Variants in SPTLC3 observed in about 807,000 individuals in gnomAD.
SPTLC3 encodes the protein serine palmitoyltransferase long chain base subunit 3, also known as serine palmitoyltransferase 3.
SPTLC3 carries 36 observed loss-of-function variants against 59.3 expected under a neutral mutation model. The observed-to-expected ratio is 0.61, with a 90% CI of 0.47 to 0.80. The LOEUF (loss-of-function observed/expected upper bound fraction) is 0.80, where lower values mean the gene tolerates loss of function less well. Ranked by LOEUF, SPTLC3 falls within the 30% of genes least tolerant of loss-of-function variation. SPTLC3 has a pLI of 0.00. For missense variants in SPTLC3, 625 were observed against 685.1 expected, an observed-to-expected ratio of 0.91 and a Z score of 0.98; for synonymous variants, 257 against 240.8, an observed-to-expected ratio of 1.07 and a Z score of -0.62.
rs1219499441 is a variant in SPTLC3 at position 13,160,044 on chromosome 20, T to C, written c.1457T>C (p.Val486Ala). The C allele has an allele frequency of 4.3e-6, 7 of 1,613,696 alleles. No individual in the cohort carries two copies. The South Asian group carries it at 6.6e-5, about 15-fold the overall frequency. Residue 486 changes from valine to alanine, a missense_variant, in exon 11 of 12, where the codon GTG (valine) becomes GCG (alanine). Transcript: ENST00000399002. ...ATGCTAGAGAAAAAAATTGGAGTGG[T>C]GGTCGTGGGATTTCCAGCCACTCCC... Reference protein sequence around the residue: ...RHMLEKKIGVVVVGFPATPLA... With the variant: ...RHMLEKKIGVAVVGFPATPLA...
intron 2 of SPTLC3, among the ~76,000 whole-genome samples, chr20:13,055,256 T>C (rs898960624): frequency 6.6e-6 from 1 of 151,748 alleles, no homozygotes; most frequent in Non-Finnish European, 1.5e-5. Flanking sequence ...TTATAAAGGA[T>C]AAAGAAACAG....
chr20:13,165,013 G>GT lies in SPTLC3; in HGVS notation c.*151dup, dbSNP rs1186392082. 5.0e-6 allele frequency: 3 copies of GT among 604,626 alleles called. No homozygotes were observed. Among genetic ancestry groups the GT allele is most frequent in the Non-Finnish European group, 8.6e-6 (3 of 349,014 alleles). The allele number at this position is 604,626 out of a possible 1,614,324, so 37.5% of individuals were successfully genotyped here. A position where few individuals can be genotyped will look rare whatever the true frequency, so the allele number is the denominator to read the frequency against. On this transcript the variant is annotated 3_prime_UTR_variant, in exon 12 of 12. Coordinates refer to ENST00000399002, the MANE Select transcript of SPTLC3 (RefSeq NM_018327.4). ...TGATTGAACTGAGGGAGACGTTGTTGTTTTTAATGTCTCCAGCTTGGACTG... is the reference window on the plus strand; with the variant it reads ...TGATTGAACTGAGGGAGACGTTGTTGTTTTTTAATGTCTCCAGCTTGGACTG...
chr20:13,076,066 A>G (rs1208698182), intron 4 of SPTLC3, among the ~76,000 whole-genome samples: 1 of 152,130 alleles, frequency 6.6e-6, no homozygotes, highest in Non-Finnish European at 1.5e-5. Flanking sequence ...ATATTTCTCC[A>G]TTTCATTTAG....
At chr20:13,139,289 A>T (rs556953819) in intron 9 of SPTLC3, among the ~76,000 whole-genome samples, 1 of 152,316 alleles carries the variant, frequency 6.6e-6, no homozygotes, top group South Asian at 2.1e-4. Context: ...AGTCTTTGAA[A>T]ATTTTCCATA....
At chr20:13,148,320 T>C (rs2038563257) in intron 9 of SPTLC3, among the ~76,000 whole-genome samples, 1 of 152,194 alleles carries the variant, frequency 6.6e-6, no homozygotes, top group African/African-American at 2.4e-5. Context: ...TAACCTAGCC[T>C]GTCTCTCAAA....
intron 2 of SPTLC3, among the ~76,000 whole-genome samples, chr20:13,064,066 TTC>T (rs1234308443): frequency 6.8e-6 from 1 of 147,768 alleles, no homozygotes; most frequent in Non-Finnish European, 1.5e-5. Flanking sequence ...GTCTTGCTCT[TTC>T]GCCCAGGCTG....
At chr20:13,131,987 G>C (rs910583634) in intron 9 of SPTLC3, among the ~76,000 whole-genome samples, 2 of 151,928 alleles carry the variant, frequency 1.3e-5, no homozygotes, top group East Asian at 1.9e-4. Flanking sequence ...AAAACACAGA[G>C]AGCAGCTCCC....
intron 9 of SPTLC3, among the ~76,000 whole-genome samples, chr20:13,140,645 T>TAA (rs3840957): frequency 8.5e-5 from 13 of 152,154 alleles, no homozygotes; most frequent in Admixed American, 4.6e-4. Flanking sequence ...TCTACAGGAT[T>TAA]AAAAAAACAG....
intron 1 of SPTLC3, among the ~76,000 whole-genome samples, chr20:13,040,046 CGTGT>C (rs3038800): frequency 0.18 from 26,269 of 147,900 alleles, 2,531 homozygotes; most frequent in East Asian, 0.35. Context: ...TATGCATGTA[CGTGT>C]GTGTGTGTGT....
intron 10 of SPTLC3, among the ~76,000 whole-genome samples, chr20:13,157,538 C>T (rs773790579): frequency 5.9e-5 from 9 of 152,090 alleles, no homozygotes; most frequent in Non-Finnish European, 8.8e-5. Flanking sequence ...CTCTTTTGAA[C>T]ACACAGCACA....
chr20:13,096,858 A>T (rs1989433516), intron 6 of SPTLC3, among the ~76,000 whole-genome samples: 1 of 152,158 alleles, frequency 6.6e-6, no homozygotes, highest in Non-Finnish European at 1.5e-5. Context: ...ACAGGCTTTG[A>T]CCCATGCATT....
At chr20:13,079,776 C>A (rs1485304686) in intron 4 of SPTLC3, 1 of 469,960 alleles carries the variant, frequency 2.1e-6, no homozygotes, top group Non-Finnish European at 4.4e-6. Flanking sequence ...TGGCAGAATG[C>A]CCTCTGTGTG....
At chr20:13,069,307 C>A (rs1382668760) in intron 2 of SPTLC3, among the ~76,000 whole-genome samples, 1 of 152,080 alleles carries the variant, frequency 6.6e-6, no homozygotes, top group Non-Finnish European at 1.5e-5. Flanking sequence ...CTTTCTGGGC[C>A]TGATTCTCCT....
At chr20:13,054,499 A>C (rs1391856649) in intron 2 of SPTLC3, among the ~76,000 whole-genome samples, 1 of 152,194 alleles carries the variant, frequency 6.6e-6, no homozygotes, top group Non-Finnish European at 1.5e-5. Flanking sequence ...AGGTAGTGAC[A>C]ATAGGGTTGG....
At chr20:13,075,356 A>G (rs1411360379) in intron 4 of SPTLC3, among the ~76,000 whole-genome samples, 1 of 152,192 alleles carries the variant, frequency 6.6e-6, no homozygotes, top group African/African-American at 2.4e-5. Context: ...ATTGGAGGCA[A>G]ATGTGATTAA....
At chr20:13,053,820 C>G (rs146840361) in intron 2 of SPTLC3, among the ~76,000 whole-genome samples, 1 of 151,814 alleles carries the variant, frequency 6.6e-6, no homozygotes, top group East Asian at 1.9e-4. Flanking sequence ...TGAAATAAAG[C>G]GTGAAAACAA....
intron 2 of SPTLC3, among the ~76,000 whole-genome samples, chr20:13,055,585 T>A (rs1171607505): frequency 6.6e-6 from 1 of 152,202 alleles, no homozygotes; most frequent in African/African-American, 2.4e-5. Context: ...AAATCTACAA[T>A]CTATTTTCTA....
At chr20:13,129,870 G>T (rs1027701700) in intron 9 of SPTLC3, among the ~76,000 whole-genome samples, 1 of 152,020 alleles carries the variant, frequency 6.6e-6, no homozygotes, top group African/African-American at 2.4e-5. Context: ...TATACCTAAA[G>T]AATTCTTTGG....
chr20:13,135,014 T>C (rs934956744), intron 9 of SPTLC3, among the ~76,000 whole-genome samples: 2 of 152,218 alleles, frequency 1.3e-5, no homozygotes, highest in Admixed American at 1.3e-4. Context: ...TCCCTAAGCC[T>C]GTGCTTTCAC....
Sources: gnomAD v4.1 joint callset for allele counts (sites outside exome capture counted in the v4.1 genomes callset) on GRCh38, gnomAD v4.1.1 for gene constraint, MANE v1.5 for transcripts, NCBI Gene and HGNC (gene_info 2026-07-23, HGNC 2026-07-21) for gene names.